The following UBE2E1 variants were observed in gnomAD, a reference collection of about 807,000 sequenced individuals.
UBE2E1 encodes ubiquitin-conjugating enzyme E2 E1.
A neutral mutation model predicts 21.4 loss-of-function variants in UBE2E1; 6 were observed. The observed-to-expected ratio is 0.28, with a 90% CI of 0.15 to 0.55. The LOEUF is 0.55. Among genes scored for constraint, UBE2E1 ranks in the 20% least tolerant of loss-of-function variants. UBE2E1 has a pLI of 0.93. For missense variants in UBE2E1, 142 were observed against 236.5 expected, an observed-to-expected ratio of 0.60 and a Z score of 2.62; for synonymous variants, 87 against 82.7, an observed-to-expected ratio of 1.05 and a Z score of -0.28.
chr3:23,864,886 G>C (rs1361625815), intron 3 of UBE2E1, among the ~76,000 whole-genome samples: 1 of 152,230 alleles, frequency 6.6e-6, no homozygotes, highest in Non-Finnish European at 1.5e-5. Flanking sequence ...GGGTCTTACT[G>C]TCCTGCATGC....
chr3:23,812,624 G>A (rs1575799500), intron 3 of UBE2E1, among the ~76,000 whole-genome samples: 1 of 152,200 alleles, frequency 6.6e-6, no homozygotes, highest in African/African-American at 2.4e-5. Flanking sequence ...GTCATTTTGA[G>A]TTTGAAATGC....
intron 3 of UBE2E1, among the ~76,000 whole-genome samples, chr3:23,848,387 C>T (rs994089611): frequency 2.0e-5 from 3 of 151,828 alleles, no homozygotes; most frequent in African/African-American, 7.3e-5. Context: ...GGAGAATCAC[C>T]TGAACTCGGA....
intron 3 of UBE2E1, among the ~76,000 whole-genome samples, chr3:23,849,693 T>C (rs1413909664): frequency 3.3e-5 from 5 of 152,252 alleles, no homozygotes; most frequent in African/African-American, 9.6e-5. Flanking sequence ...GAACTGATTC[T>C]TTTTTATGGC....
At position 23,836,054 on chromosome 3, in the gene UBE2E1, T is replaced by TTTTG. The variant is rs1255523180; in HGVS notation, c.203+24545_203+24548dup. ...ATATTTCAGAAAAAATGTTTTGAGC[T>TTTTG]TTTGCTGTTGATGTTAAGATTACGA... On this transcript the variant is annotated intron_variant, in intron 3 of 5. Transcript: ENST00000306627. This position sits in a 1 kb window ranked among gnomAD's most constrained non-coding sequence, Gnocchi z 4.1. 1.3e-5 allele frequency among the ~76,000 whole-genome samples: 2 copies of TTTTG among 152,216 alleles called. No individual in the cohort carries two copies. Among genetic ancestry groups the TTTTG allele is most frequent in the African/African-American group, 4.8e-5 (2 of 41,458 alleles).
At position 23,870,576 on chromosome 3, in the gene UBE2E1, A is replaced by G. The variant is rs1163832328; in HGVS notation, c.204-16991A>G. ...TGGTGAGGCACTGACAGCTTCTGCTATAGTTTATCAGTGAGCTCAGGAGTT... is the reference window on the plus strand; with the variant it reads ...TGGTGAGGCACTGACAGCTTCTGCTGTAGTTTATCAGTGAGCTCAGGAGTT... On this transcript the variant is annotated intron_variant, in intron 3 of 5. Coordinates refer to ENST00000306627, the MANE Select transcript of UBE2E1 (RefSeq NM_003341.5). This position sits in a 1 kb window ranked among gnomAD's most constrained non-coding sequence, Gnocchi z 4.2. Among the ~76,000 whole-genome samples the G allele has an allele frequency of 6.6e-6, 1 of 152,252 alleles. No homozygotes were observed. Among genetic ancestry groups the G allele is most frequent in the East Asian group, 1.9e-4 (1 of 5,202 alleles).
At chr3:23,858,090 CT>C (rs1700478043) in intron 3 of UBE2E1, among the ~76,000 whole-genome samples, 1 of 152,102 alleles carries the variant, frequency 6.6e-6, no homozygotes, top group South Asian at 2.1e-4. Flanking sequence ...TTGAGAGGTA[CT>C]GAGCTAGTTA....
intron 3 of UBE2E1, among the ~76,000 whole-genome samples, chr3:23,832,151 A>C (rs1266734736): frequency 6.6e-6 from 1 of 152,278 alleles, no homozygotes; most frequent in Admixed American, 6.5e-5. Flanking sequence ...GTAACTGCTC[A>C]AACTTTTGCT....
chr3:23,822,352 T>A (rs1364116980), intron 3 of UBE2E1, among the ~76,000 whole-genome samples: 6 of 152,222 alleles, frequency 3.9e-5, no homozygotes, highest in African/African-American at 1.4e-4. Context: ...AAAAGTGATC[T>A]GGTGTTATCT....
intron 3 of UBE2E1, among the ~76,000 whole-genome samples, chr3:23,849,498 C>G (rs1285220781): frequency 2.0e-5 from 3 of 152,150 alleles, no homozygotes; most frequent in Non-Finnish European, 4.4e-5. Context: ...CTAATGCTCT[C>G]CCTCCCCTTA....
At chr3:23,813,341 G>C (rs1010555097) in intron 3 of UBE2E1, among the ~76,000 whole-genome samples, 1 of 152,150 alleles carries the variant, frequency 6.6e-6, no homozygotes, top group Non-Finnish European at 1.5e-5. Context: ...ATATTTTCCA[G>C]TGGGGCCGTT....
chr3:23,806,882 C>A lies in UBE2E1; in HGVS notation c.-33-355C>A. 6.1e-6 allele frequency: 1 copy of A among 164,920 alleles called. No individual in the cohort carries two copies. Among genetic ancestry groups the A allele is most frequent in the Non-Finnish European group, 1.3e-5 (1 of 76,906 alleles). The allele number at this position is 164,920 out of a possible 1,614,324, so 10.2% of individuals were successfully genotyped here. A position where few individuals can be genotyped will look rare whatever the true frequency, so the allele number is the denominator to read the frequency against. On this transcript the variant is annotated intron_variant, in intron 1 of 5. Coordinates refer to ENST00000306627, the MANE Select transcript of UBE2E1 (RefSeq NM_003341.5). This position sits in a 1 kb window ranked among gnomAD's most constrained non-coding sequence, Gnocchi z 6.5. ...AAAAACAGCCCCGAGGCCGGCCGGC[C>A]GCCGGGACCTTCCCTCCCTGCCCCG...
At chr3:23,886,141 A>C (rs1701177836) in intron 3 of UBE2E1, among the ~76,000 whole-genome samples, 1 of 152,172 alleles carries the variant, frequency 6.6e-6, no homozygotes, top group African/African-American at 2.4e-5. Flanking sequence ...TCAAGGCTAC[A>C]GTGACCCGAG....
intron 3 of UBE2E1, among the ~76,000 whole-genome samples, chr3:23,852,847 C>T (rs1430887720): frequency 6.6e-6 from 1 of 152,100 alleles, no homozygotes; most frequent in African/African-American, 2.4e-5. Context: ...TCAAGTGATC[C>T]TCCCACCTTG....
chr3:23,820,566 T>C (rs1485510452), intron 3 of UBE2E1, among the ~76,000 whole-genome samples: 1 of 151,868 alleles, frequency 6.6e-6, no homozygotes, highest in Non-Finnish European at 1.5e-5. Flanking sequence ...CAGTGTGTTG[T>C]TCACTAATAC....
At chr3:23,889,366 A>C (rs1559497141) in intron 5 of UBE2E1, 107 bp downstream of exon 5, 1 of 1,561,204 alleles carries the variant, frequency 6.4e-7, no homozygotes, top group Non-Finnish European at 8.6e-7. Flanking sequence ...AAGTTTGTGA[A>C]TACAAAAACT....
Position 23,816,481 on chromosome 3 carries a change from C to T in UBE2E1, c.203+4971C>T, listed in dbSNP as rs374564311. Among the ~76,000 whole-genome samples, 72 of 151,812 alleles carry T rather than the reference C, an allele frequency of 4.7e-4. 1 individual carries two copies. The highest frequency in any genetic ancestry group is 1.6e-3 in the African/African-American group (66 of 41,358). On this transcript the variant is annotated intron_variant, in intron 3 of 5. Transcript: ENST00000306627. The surrounding 1 kb of genome is among the most constrained non-coding windows in gnomAD (Gnocchi z 4.8). ...CAGCACTTTGGGAGGCTGAGGCAGG[C>T]GGATCACGAGGTCAGGAGATCGACA...
chr3:23,846,537 A>G (rs1451193127), intron 3 of UBE2E1, among the ~76,000 whole-genome samples: 2 of 152,116 alleles, frequency 1.3e-5, no homozygotes, highest in East Asian at 3.9e-4. Context: ...CTTTACTAAA[A>G]ATACAAAATT....
At chr3:23,869,473 A>T (rs1299410221) in intron 3 of UBE2E1, among the ~76,000 whole-genome samples, 1 of 142,278 alleles carries the variant, frequency 7.0e-6, no homozygotes, top group African/African-American at 2.7e-5. Flanking sequence ...AGTTTTGGTC[A>T]TTCCTGCACT....
chr3:23,810,618 G>C lies in UBE2E1; in HGVS notation c.153-842G>C, dbSNP rs573088921. 2,333 of 1,266,744 alleles carry C rather than the reference G, an allele frequency of 1.8e-3. 4 individuals are homozygous for C. Among genetic ancestry groups the C allele is most frequent in the Non-Finnish European group, 2.2e-3 (2,069 of 940,678 alleles). The allele number at this position is 1,266,744 out of a possible 1,614,324, so 78.5% of individuals were successfully genotyped here. A position where few individuals can be genotyped will look rare whatever the true frequency, so the allele number is the denominator to read the frequency against. ...GTGCGGCCGCGGGCCGGCCACTTGG[G>C]GTCTGTGGTGCCCGAGTGGCGGGCG... On this transcript the variant is annotated intron_variant, in intron 2 of 5. Transcript: ENST00000306627. The surrounding 1 kb of genome is among the most constrained non-coding windows in gnomAD (Gnocchi z 5.8).
Sources: gnomAD v4.1 joint callset for allele counts (sites outside exome capture counted in the v4.1 genomes callset) on GRCh38, gnomAD v4.1.1 for gene constraint, Gnocchi (gnomAD v3.1) non-coding constraint, MANE v1.5 for transcripts, NCBI Gene and HGNC (gene_info 2026-07-23, HGNC 2026-07-21) for gene names.